The following MYO6 variants were observed in gnomAD, a reference collection of about 807,000 sequenced individuals.
The protein encoded by MYO6 is myosin VI.
MYO6 carries 74 observed loss-of-function variants against 178.7 expected under a neutral mutation model. The ratio of observed to expected loss-of-function variants is 0.41; its 90% CI spans 0.34 to 0.50. The LOEUF (loss-of-function observed/expected upper bound fraction) is 0.50, where lower values mean the gene tolerates loss of function less well. MYO6 is among the 20% of genes least tolerant of loss of function. The pLI is 0.09. For synonymous variants in MYO6, 477 were observed against 504.6 expected (o/e 0.95, Z 0.73); for missense variants, 1,330 against 1,547.4 (o/e 0.86, Z 2.36).
At chr6:75,813,597 A>G (rs1770913786) in intron 1 of MYO6, among the ~76,000 whole-genome samples, 1 of 151,860 alleles carries the variant, frequency 6.6e-6, no homozygotes, top group Admixed American at 6.6e-5. Context: ...TTCCTTATTC[A>G]GAGGCAGTCT....
At chr6:75,911,778 G>A (rs961742925) in intron 33 of MYO6, 80 bp downstream of exon 33, 35 of 1,365,184 alleles carry the variant, frequency 2.6e-5, no homozygotes, top group Non-Finnish European at 3.6e-5. Context: ...TCTATTAAAA[G>A]TTGTTTTGCT....
At chr6:75,789,087 C>G (rs1767969277) in intron 1 of MYO6, among the ~76,000 whole-genome samples, 1 of 152,164 alleles carries the variant, frequency 6.6e-6, no homozygotes, top group South Asian at 2.1e-4. Context: ...GACTCACTTG[C>G]TATTTAGATG....
At chr6:75,804,812 C>T (rs1317627865) in intron 1 of MYO6, among the ~76,000 whole-genome samples, 1 of 151,272 alleles carries the variant, frequency 6.6e-6, no homozygotes, top group Non-Finnish European at 1.5e-5. Context: ...ACCCAAATTA[C>T]TTTTAGTTGG....
At chr6:75,775,055 A>C (rs1766248462) in intron 1 of MYO6, among the ~76,000 whole-genome samples, 1 of 152,114 alleles carries the variant, frequency 6.6e-6, no homozygotes, top group Non-Finnish European at 1.5e-5. Flanking sequence ...CAGCCTCCCA[A>C]AGTGTTGGGA....
intron 9 of MYO6, among the ~76,000 whole-genome samples, chr6:75,844,582 A>G (rs1192589765): frequency 6.6e-6 from 1 of 152,114 alleles, no homozygotes; most frequent in African/African-American, 2.4e-5. Context: ...TTTATACACT[A>G]TGTTTAGATT....
rs1768062577 is a variant in MYO6, at chr6:75,789,957, T to TA, written c.-47-27543dup. ...TCTACTTTTATGAAATCAATTTTTT[T>TA]AGATTCCGTGTATGAGTGAGTTCTT... On this transcript the variant is annotated intron_variant, in intron 1 of 34. Transcript: ENST00000369977. Among the ~76,000 whole-genome samples, 4 of 152,220 alleles carry TA rather than the reference T, an allele frequency of 2.6e-5. No homozygotes were observed. The South Asian group carries it at 8.3e-4, about 31-fold the overall frequency.
At chr6:75,846,848 C>T (rs576912730) in intron 10 of MYO6, among the ~76,000 whole-genome samples, 33 of 152,192 alleles carry the variant, frequency 2.2e-4, no homozygotes, top group African/African-American at 7.9e-4. Context: ...GAAAATTGCC[C>T]TCTTATTCTA....
At chr6:75,772,489 T>A (rs1765991880) in intron 1 of MYO6, among the ~76,000 whole-genome samples, 1 of 152,186 alleles carries the variant, frequency 6.6e-6, no homozygotes, top group African/African-American at 2.4e-5. Context: ...CATTTTACAT[T>A]AGGAATCATT....
intron 1 of MYO6, among the ~76,000 whole-genome samples, chr6:75,802,367 G>T (rs1769556361): frequency 6.6e-6 from 1 of 152,012 alleles, no homozygotes; most frequent in African/African-American, 2.4e-5. Flanking sequence ...TACTTGGGAG[G>T]CTGAATCAGG....
At chr6:75,750,428 A>G (rs766353206) in intron 1 of MYO6, among the ~76,000 whole-genome samples, 2 of 151,158 alleles carry the variant, frequency 1.3e-5, no homozygotes, top group African/African-American at 2.4e-5. Context: ...GCATAAAGTG[A>G]TGTGGTGGAG....
At chr6:75,803,742 A>C (rs1165050968) in intron 1 of MYO6, among the ~76,000 whole-genome samples, 1 of 152,210 alleles carries the variant, frequency 6.6e-6, no homozygotes, top group Non-Finnish European at 1.5e-5. Flanking sequence ...ATTGTTAATA[A>C]AAGTTTATTG....
chr6:75,831,194 T>A (rs1773039919), intron 5 of MYO6, among the ~76,000 whole-genome samples: 1 of 152,150 alleles, frequency 6.6e-6, no homozygotes. Flanking sequence ...TCCCACCAAA[T>A]GCGGAGGTGT....
At chr6:75,851,930 G>A (rs1374510500) in intron 11 of MYO6, among the ~76,000 whole-genome samples, 1 of 152,102 alleles carries the variant, frequency 6.6e-6, no homozygotes, top group Non-Finnish European at 1.5e-5. Context: ...AGAAGTTTTT[G>A]CATGATGAAA....
chr6:75,814,559 G>T (rs1399970393), intron 1 of MYO6, among the ~76,000 whole-genome samples: 2 of 152,072 alleles, frequency 1.3e-5, no homozygotes, highest in African/African-American at 4.8e-5. Context: ...CTGGCTGAGC[G>T]TAGGATTTGA....
Position 75,784,213 on chromosome 6 carries a change from C to T in MYO6, c.-47-33288C>T, listed in dbSNP as rs186591597. Among the ~76,000 whole-genome samples, 705 of 151,938 alleles carry T rather than the reference C, an allele frequency of 4.6e-3. 12 individuals carry two copies. Among genetic ancestry groups the T allele is most frequent in the African/African-American group, 0.016 (682 of 41,420 alleles). On this transcript the variant is annotated intron_variant, in intron 1 of 34. Transcript: ENST00000369977. ...GTCTCCATCTCCTGACATCGTGATCCGCCCGACTTGGGCTCCCAAAGTGCT... is the reference window on the plus strand; with the variant it reads ...GTCTCCATCTCCTGACATCGTGATCTGCCCGACTTGGGCTCCCAAAGTGCT...
At chr6:75,773,460 G>T (rs1008982038) in intron 1 of MYO6, among the ~76,000 whole-genome samples, 3 of 152,214 alleles carry the variant, frequency 2.0e-5, no homozygotes, top group Admixed American at 2.0e-4. Context: ...GTATCAATCA[G>T]TATTTTTTGG....
chr6:75,752,651 A>G (rs1777000829), intron 1 of MYO6, among the ~76,000 whole-genome samples: 1 of 152,226 alleles, frequency 6.6e-6, no homozygotes, highest in Non-Finnish European at 1.5e-5. Context: ...TGACAAAAGC[A>G]TCCAGGAGTA....
chr6:75,892,719 G>A lies in MYO6; in HGVS notation c.3107+29G>A, dbSNP rs201488990. 1.6e-4 allele frequency: 257 copies of A among 1,610,824 alleles called. No individual in the cohort carries two copies. The African/African-American group carries it at 2.9e-3, about 18-fold the overall frequency. On this transcript the variant is annotated intron_variant, in intron 28 of 34. Transcript: ENST00000369977. Reference sequence around the variant, plus strand: ...CTGGGGCCCCTGGGTGGGGTATAGCGCTCTCTCCTTTGCTTTCTCTACCTC... The same window carrying A: ...CTGGGGCCCCTGGGTGGGGTATAGCACTCTCTCCTTTGCTTTCTCTACCTC...
At chr6:75,802,938 G>A (rs1769635044) in intron 1 of MYO6, among the ~76,000 whole-genome samples, 1 of 152,134 alleles carries the variant, frequency 6.6e-6, no homozygotes, top group South Asian at 2.1e-4. Context: ...TAATATCTGT[G>A]AAAGAAATTT....
Sources: allele counts gnomAD v4.1 joint callset (sites outside exome capture counted in the v4.1 genomes callset), GRCh38; gene constraint gnomAD v4.1.1; transcripts MANE v1.5; gene names NCBI Gene and HGNC (gene_info 2026-07-23, HGNC 2026-07-21).